The following USP19 variants were observed in gnomAD, a reference collection of about 807,000 sequenced individuals.
USP19 encodes the protein ubiquitin carboxyl-terminal hydrolase 19.
In USP19, 40 loss-of-function variants were observed where a neutral mutation model predicts 144.8. That is an observed-to-expected ratio of 0.28 (90% confidence interval 0.21 to 0.36). The LOEUF (loss-of-function observed/expected upper bound fraction) is 0.36. Among genes scored for constraint, USP19 ranks in the 10% least tolerant of loss-of-function variants. USP19 has a pLI of 1.00. For synonymous variants in USP19, 701 were observed against 709.3 expected, an observed-to-expected ratio of 0.99 and a Z score of 0.19; for missense variants, 1,518 against 1,822.5, an observed-to-expected ratio of 0.83 and a Z score of 3.04.
Position 49,111,946 on chromosome 3 carries a change from A to G in USP19, c.2868T>C (p.Tyr956=), listed in dbSNP as rs371037814. The change falls in exon 20 of 27, where the codon TAT becomes TAC. Residue 956 remains tyrosine, a synonymous_variant. Coordinates refer to ENST00000417901, the MANE Select transcript of USP19 (RefSeq NM_001199161.2). This position sits in a 1 kb window ranked among gnomAD's most constrained non-coding sequence, Gnocchi z 5.9. ...LVSVPASRLT[Y]ARLAQLLEGY... ...CCTCTAGCAACTGAGCGAGGCGGGC[A>G]TAAGTGAGGCGTGAGGCAGGTACAC... 4.4e-5 allele frequency: 71 copies of G among 1,613,982 alleles called. No homozygotes were observed. The highest frequency in any genetic ancestry group is 5.0e-5 in the Non-Finnish European group (59 of 1,180,046).
At position 49,117,099 on chromosome 3, in the gene USP19, C is replaced by T. The variant is rs1215569122; in HGVS notation, c.869G>A (p.Arg290Gln). 23 of 1,524,378 alleles carry T rather than the reference C, an allele frequency of 1.5e-5. No homozygotes were observed. The East Asian group carries it at 1.7e-4, about 11-fold the overall frequency. 94.4% of individuals were successfully genotyped at this position (1,524,378 alleles called of 1,614,324 possible). A position where few individuals can be genotyped will look rare whatever the true frequency, so the allele number is the denominator to read the frequency against. The change falls in exon 6 of 27, where the codon CGG becomes CAG. Residue 290 changes from arginine (R) to glutamine (Q), a missense_variant. Physicochemically the swap from Arg to Gln is conservative, Grantham distance 43. Coordinates refer to ENST00000417901, the MANE Select transcript of USP19 (RefSeq NM_001199161.2). The surrounding 1 kb of genome is among the most constrained non-coding windows in gnomAD (Gnocchi z 4.4). ...GDGSRDDPGP[R>Q]GDAPPFVADP... ...AGCCACGAAGGGTGGGGCATCACCCCGGGGTCCAGGGTCATCCCTGGACCC... is the reference window on the plus strand; with the variant it reads ...AGCCACGAAGGGTGGGGCATCACCCTGGGGTCCAGGGTCATCCCTGGACCC...
intron 26 of USP19, among the ~76,000 whole-genome samples, chr3:49,109,550 T>C (rs1308653512): frequency 6.6e-6 from 1 of 152,176 alleles, no homozygotes; most frequent in Non-Finnish European, 1.5e-5. Flanking sequence ...TTCCCACCCA[T>C]ACCCAGATCC....
In USP19 at chr3:49,111,029, C is replaced by T; in HGVS notation, c.3466G>A (p.Ala1156Thr). Residue 1156 changes from alanine (A) to threonine (T), a missense_variant, in exon 23 of 27, where the codon GCC becomes ACC. By Grantham distance (58) the Ala-to-Thr change is moderately conservative (BLOSUM62 0). Around this residue, in one of 5 missense-constraint regions of USP19, gnomAD observed 413 missense variants for 515.8 expected, o/e 0.80. Coordinates refer to ENST00000417901, the MANE Select transcript of USP19 (RefSeq NM_001199161.2). The surrounding 1 kb of genome is among the most constrained non-coding windows in gnomAD (Gnocchi z 5.9). Reference sequence around the variant, plus strand: ...TCCAGGGTGAAGTGGCCGGCCCGGGCAGCCTCACCGGCAGAGCCTGGATCC... The same window carrying T: ...TCCAGGGTGAAGTGGCCGGCCCGGGTAGCCTCACCGGCAGAGCCTGGATCC... ...AEDPGSAGEA[A>T]RAGHFTLDQC... The T allele has an allele frequency of 6.2e-6, 10 of 1,614,048 alleles. No individual in the cohort carries two copies. The highest frequency in any genetic ancestry group is 2.2e-5 in the East Asian group (1 of 44,882).
rs754829256 is a variant in USP19 at position 49,110,805 on chromosome 3, G to A, written c.3604C>T (p.Leu1202=). ...AGCTGCACGATGAGAACATTTGGCA[G>A]GCGCCATAGCAACAGCTGCTTGGAG... ...EASKQLLLWR[L]PNVLIVQLKR... is the part of the protein sequence containing the mutation. The change falls in exon 24 of 27, where the codon CTG becomes TTG. Residue 1202 remains leucine (L), a synonymous_variant. Transcript: ENST00000417901. The surrounding 1 kb of genome is among the most constrained non-coding windows in gnomAD (Gnocchi z 6.1). 1.3e-5 allele frequency: 21 copies of A among 1,614,228 alleles called. No homozygotes were observed. In the South Asian group the frequency reaches 2.3e-4, roughly 18 times the overall value.
Position 49,111,158 on chromosome 3 carries a change from G to C in USP19, c.3337C>G (p.Pro1113Ala), listed in dbSNP as rs759709726. 19 of 1,613,756 alleles carry C rather than the reference G, an allele frequency of 1.2e-5. No individual in the cohort carries two copies. The highest frequency in any genetic ancestry group is 1.6e-5 in the Non-Finnish European group (19 of 1,180,044). The change falls in exon 23 of 27, where the codon CCA becomes GCA. Residue 1113 changes from proline (P) to alanine (A), a missense_variant. Pro to Ala is a conservative substitution (Grantham distance 27, BLOSUM62 -1). Around this residue, in one of 5 missense-constraint regions of USP19, gnomAD observed 413 missense variants for 515.8 expected, o/e 0.80. Transcript: ENST00000417901. This position sits in a 1 kb window ranked among gnomAD's most constrained non-coding sequence, Gnocchi z 5.9. ...EQRLEDKGDT[P>A]LELGDDCSLA... ...CTACAGTCGTCACCCAGCTCCAGTG[G>C]GGTGTCTCCTGGAGATTCGCAGGGA...
In USP19 at chr3:49,114,140, A is replaced by C. The variant is rs755066284; in HGVS notation, c.2403+34T>G. 2.5e-6 allele frequency: 4 copies of C among 1,614,164 alleles called. No homozygotes were observed. The Middle Eastern group carries it at 4.9e-4, about 200-fold the overall frequency. ...GTGAGGGAGGTGGGCCACGTTCTCTAGAACAGCCCAGAGGGTAGGGGCTTA... is the reference window on the plus strand; with the variant it reads ...GTGAGGGAGGTGGGCCACGTTCTCTCGAACAGCCCAGAGGGTAGGGGCTTA... On this transcript the variant is annotated intron_variant, in intron 16 of 26. Coordinates refer to ENST00000417901, the MANE Select transcript of USP19 (RefSeq NM_001199161.2). The surrounding 1 kb of genome is among the most constrained non-coding windows in gnomAD (Gnocchi z 4.5).
At position 49,111,339 on chromosome 3, in the gene USP19, T is replaced by C; in HGVS notation, c.3244A>G (p.Ser1082Gly). ...GGTGTGTGGGCATTCATAGCTTCAC[T>C]TGGATGCTGGTACCCAGGCACAGCA... ...EAAVPGYQHP[S>G]EAMNAHTPQF... The change falls in exon 22 of 27, where the codon AGT (serine) becomes GGT (glycine). Residue 1082 changes from serine to glycine, a missense_variant. Physicochemically the swap from Ser to Gly is moderately conservative, Grantham distance 56. This residue lies in a region of USP19 where 413 missense variants were observed against 515.8 expected (regional missense o/e 0.80). Transcript: ENST00000417901. This position sits in a 1 kb window ranked among gnomAD's most constrained non-coding sequence, Gnocchi z 5.9. The C allele has an allele frequency of 3.7e-6, 6 of 1,614,122 alleles. No individual in the cohort carries two copies. The highest frequency in any genetic ancestry group is 5.1e-6 in the Non-Finnish European group (6 of 1,180,030).
chr3:49,112,376 G>A lies in USP19; in HGVS notation c.2673C>T (p.Ile891=). The change falls in exon 19 of 27, where the codon ATC becomes ATT. Residue 891 remains isoleucine (I), a synonymous_variant. Coordinates refer to ENST00000417901, the MANE Select transcript of USP19 (RefSeq NM_001199161.2). This position sits in a 1 kb window ranked among gnomAD's most constrained non-coding sequence, Gnocchi z 4.9. ...QQRPQVPSVP[I]SKCAACQRKQ... ...TCCGCTGGCAGGCTGCACACTTGGAGATGGGGACGCTGGGCACCTGGGGGC... is the reference window on the plus strand; with the variant it reads ...TCCGCTGGCAGGCTGCACACTTGGAAATGGGGACGCTGGGCACCTGGGGGC... The A allele has an allele frequency of 6.2e-7, 1 of 1,614,076 alleles. No individual in the cohort carries two copies. The highest frequency in any genetic ancestry group is 8.5e-7 in the Non-Finnish European group (1 of 1,179,988).
intron 2 of USP19, among the ~76,000 whole-genome samples, chr3:49,118,678 TGGAC>T (rs1489556095): frequency 6.7e-6 from 1 of 150,334 alleles, no homozygotes; most frequent in Admixed American, 6.6e-5. Flanking sequence ...AACCAGGAGG[TGGAC>T]GTTGCAGTGA....
rs910701596 is a variant in USP19 at position 49,108,184 on chromosome 3, G to A, written c.*228C>T. The A allele has an allele frequency of 4.7e-6, 1 of 214,484 alleles. No individual in the cohort carries two copies. The highest frequency in any genetic ancestry group is 2.3e-5 in the African/African-American group (1 of 43,114). The allele number at this position is 214,484 out of a possible 1,614,324, so 13.3% of individuals were successfully genotyped here. On this transcript the variant is annotated 3_prime_UTR_variant, in exon 27 of 27. Coordinates refer to ENST00000417901, the MANE Select transcript of USP19 (RefSeq NM_001199161.2). The surrounding 1 kb of genome is among the most constrained non-coding windows in gnomAD (Gnocchi z 4.8). ...GGTCAGAAGAATTGAAGGTACAACAGAATCAAATCACGCAGCACTGGAGGC... is the reference window on the plus strand; with the variant it reads ...GGTCAGAAGAATTGAAGGTACAACAAAATCAAATCACGCAGCACTGGAGGC...
At position 49,108,537 on chromosome 3, in the gene USP19, G is replaced by C; in HGVS notation, c.4039-9C>G. The C allele has an allele frequency of 8.0e-7, 1 of 1,248,174 alleles. No homozygotes were observed. Among genetic ancestry groups the C allele is most frequent in the Admixed American group, 3.9e-5 (1 of 25,952 alleles). 77.3% of individuals were successfully genotyped at this position (1,248,174 alleles called of 1,614,324 possible). On this transcript the variant is annotated splice_polypyrimidine_tract_variant and intron_variant, in intron 26 of 26. Transcript: ENST00000417901. The surrounding 1 kb of genome is among the most constrained non-coding windows in gnomAD (Gnocchi z 4.8). ...TGGCCAGGGCCTAGTCCCTGCAACA[G>C]AATACGAGGACAGGGGTTGGGGGCT... is the stretch of plus-strand genomic sequence containing the variant.
In USP19 at chr3:49,110,075, C is replaced by A; in HGVS notation, c.4038+109G>T. The stretch of plus-strand genomic sequence containing the variant: ...GAGAACTCTGCAATTCTCATGAATC[C>A]CAAGGCTCAATGGGCCTGTGGCTGG... On this transcript the variant is annotated intron_variant, in intron 26 of 26. Coordinates refer to ENST00000417901, the MANE Select transcript of USP19 (RefSeq NM_001199161.2). This position sits in a 1 kb window ranked among gnomAD's most constrained non-coding sequence, Gnocchi z 6.1. The A allele has an allele frequency of 7.6e-7, 1 of 1,309,530 alleles. No homozygotes were observed. The allele number at this position is 1,309,530 out of a possible 1,614,324, so 81.1% of individuals were successfully genotyped here. A position where few individuals can be genotyped will look rare whatever the true frequency, so the allele number is the denominator to read the frequency against.
rs1343954179 is a variant in USP19, at chr3:49,117,184, C to A, written c.784G>T (p.Ala262Ser). ...CTCTTGGCGCTGGGCCCTGCCTGGG[C>A]CCCGGGGCCAGCCCCTGCGCCTACC... ...GEVGAGAGPGAQAGPSAKRAV... is the reference protein window; with the variant it reads ...GEVGAGAGPGSQAGPSAKRAV... The change falls in exon 6 of 27, where the codon GCC becomes TCC. Residue 262 changes from alanine to serine, a missense_variant. Around this residue, in one of 5 missense-constraint regions of USP19, gnomAD observed 707 missense variants for 728.9 expected, o/e 0.97. Coordinates refer to ENST00000417901, the MANE Select transcript of USP19 (RefSeq NM_001199161.2). The surrounding 1 kb of genome is among the most constrained non-coding windows in gnomAD (Gnocchi z 4.4). The A allele has an allele frequency of 6.5e-7, 1 of 1,547,776 alleles. No homozygotes were observed. The highest frequency in any genetic ancestry group is 1.4e-5 in the African/African-American group (1 of 73,040).
chr3:49,114,615 G>C lies in USP19; in HGVS notation c.2292+148C>G. ...AAGCCTACCCTGAGTGGGCTCTTCA[G>C]CCCAAATAGAATCCTAAGGCCTCCC... On this transcript the variant is annotated intron_variant, in intron 15 of 26. Transcript: ENST00000417901. This position sits in a 1 kb window ranked among gnomAD's most constrained non-coding sequence, Gnocchi z 4.5. The C allele has an allele frequency of 1.2e-6, 1 of 846,954 alleles. No individual in the cohort carries two copies. The highest frequency in any genetic ancestry group is 1.8e-6 in the Non-Finnish European group (1 of 543,902). 52.5% of individuals were successfully genotyped at this position (846,954 alleles called of 1,614,324 possible). A position where few individuals can be genotyped will look rare whatever the true frequency, so the allele number is the denominator to read the frequency against.
At position 49,112,620 on chromosome 3, in the gene USP19, T is replaced by C; in HGVS notation, c.2515A>G (p.Asn839Asp). The C allele has an allele frequency of 6.2e-7, 1 of 1,613,014 alleles. No individual in the cohort carries two copies. The highest frequency in any genetic ancestry group is 8.5e-7 in the Non-Finnish European group (1 of 1,179,322). Residue 839 changes from asparagine to aspartate, a missense_variant, in exon 18 of 27, where the codon AAT (asparagine) becomes GAT (aspartate). Physicochemically the swap from Asn to Asp is conservative, Grantham distance 23. Coordinates refer to ENST00000417901, the MANE Select transcript of USP19 (RefSeq NM_001199161.2). The surrounding 1 kb of genome is among the most constrained non-coding windows in gnomAD (Gnocchi z 4.9). ...GGTAGGAACACACGATGAAAACGATTCTTAATTACCTGGGGACAGAGAACA... is the reference window on the plus strand; with the variant it reads ...GGTAGGAACACACGATGAAAACGATCCTTAATTACCTGGGGACAGAGAACA... Reference protein sequence around the residue: ...ENLRLAEVIKNRFHRVFLPSH... With the variant: ...ENLRLAEVIKDRFHRVFLPSH...
intron 17 of USP19, among the ~76,000 whole-genome samples, chr3:49,113,269 T>TTTTTA (rs746854460): frequency 2.0e-4 from 30 of 152,282 alleles, no homozygotes; most frequent in East Asian, 1.7e-3. Context: ...TGTATGTCTA[T>TTTTTA]TTTTATTTTA....
In USP19 at chr3:49,108,568, G is replaced by A. The variant is rs908193273; in HGVS notation, c.4039-40C>T. ...GAGGACAGGGGTTGGGGGCTGCCCAGCATGCCGCCTGGCATCCCGGGGGTG... is the reference window on the plus strand; with the variant it reads ...GAGGACAGGGGTTGGGGGCTGCCCAACATGCCGCCTGGCATCCCGGGGGTG... On this transcript the variant is annotated intron_variant, in intron 26 of 26. Coordinates refer to ENST00000417901, the MANE Select transcript of USP19 (RefSeq NM_001199161.2). The surrounding 1 kb of genome is among the most constrained non-coding windows in gnomAD (Gnocchi z 4.8). 3.2e-5 allele frequency: 40 copies of A among 1,251,734 alleles called. No individual in the cohort carries two copies. Among genetic ancestry groups the A allele is most frequent in the Non-Finnish European group, 4.0e-5 (39 of 981,474 alleles). 77.5% of individuals were successfully genotyped at this position (1,251,734 alleles called of 1,614,324 possible). A position where few individuals can be genotyped will look rare whatever the true frequency, so the allele number is the denominator to read the frequency against.
chr3:49,112,365 G>A lies in USP19; in HGVS notation c.2684C>T (p.Ala895Val). 6.2e-7 allele frequency: 1 copy of A among 1,614,068 alleles called. No homozygotes were observed. The highest frequency in any genetic ancestry group is 8.5e-7 in the Non-Finnish European group (1 of 1,179,988). The change falls in exon 19 of 27, where the codon GCA (alanine) becomes GTA (valine). Residue 895 changes from alanine (A) to valine (V), a missense_variant. Ala to Val is a moderately conservative substitution (Grantham distance 64). Coordinates refer to ENST00000417901, the MANE Select transcript of USP19 (RefSeq NM_001199161.2). The surrounding 1 kb of genome is among the most constrained non-coding windows in gnomAD (Gnocchi z 4.9). ...CGACTGTTGCTTCCGCTGGCAGGCTGCACACTTGGAGATGGGGACGCTGGG... is the reference window on the plus strand; with the variant it reads ...CGACTGTTGCTTCCGCTGGCAGGCTACACACTTGGAGATGGGGACGCTGGG... ...QVPSVPISKC[A>V]ACQRKQQSED...
intron 17 of USP19, among the ~76,000 whole-genome samples, chr3:49,113,184 A>C (rs955319617): frequency 9.2e-5 from 14 of 152,218 alleles, no homozygotes; most frequent in Admixed American, 7.2e-4. Context: ...ATGGCTAGGA[A>C]CTGAGGGCAC....
Sources: allele counts gnomAD v4.1 joint callset (sites outside exome capture counted in the v4.1 genomes callset), GRCh38; gene constraint gnomAD v4.1.1; regional missense constraint gnomAD v4.1.1; non-coding constraint Gnocchi (gnomAD v3.1); transcripts MANE v1.5; gene names NCBI Gene and HGNC (gene_info 2026-07-23, HGNC 2026-07-21).